IL18RAP: variants seen among roughly 807,000 people sequenced by gnomAD.
IL18RAP encodes the protein interleukin 18 receptor accessory protein, also known as interleukin-18 receptor accessory protein.
A neutral mutation model predicts 58.1 loss-of-function variants in IL18RAP; 37 were observed. The observed-to-expected ratio is 0.64, with a 90% CI of 0.49 to 0.84. The LOEUF (loss-of-function observed/expected upper bound fraction) is 0.84, where lower values mean the gene tolerates loss of function less well. Ranked by LOEUF, IL18RAP falls within the 40% of genes least tolerant of loss-of-function variation. The pLI is 0.00. For synonymous variants in IL18RAP, 268 were observed against 257.5 expected, an observed-to-expected ratio of 1.04 and a Z score of -0.39; for missense variants, 667 against 704.8, an observed-to-expected ratio of 0.95 and a Z score of 0.61.
intron 3 of IL18RAP, among the ~76,000 whole-genome samples, chr2:102,425,445 A>G (rs1681877957): frequency 6.6e-6 from 1 of 152,182 alleles, no homozygotes; most frequent in Non-Finnish European, 1.5e-5. Context: ...AGAAATAAAT[A>G]TACAGGGTGG....
intron 4 of IL18RAP, chr2:102,438,579 A>G (rs1229177373): frequency 3.3e-5 from 5 of 152,116 alleles, no homozygotes; most frequent in Admixed American, 2.6e-4. Flanking sequence ...TAACTCAGCC[A>G]TCACTCAGCC....
At chr2:102,444,336 C>T (rs1365237268) in intron 6 of IL18RAP, among the ~76,000 whole-genome samples, 2 of 152,126 alleles carry the variant, frequency 1.3e-5, no homozygotes, top group Non-Finnish European at 2.9e-5. Context: ...ACATCACCCA[C>T]CCTTGGGTTT....
chr2:102,438,787 C>G (rs186215215), intron 4 of IL18RAP: 2 of 152,334 alleles, frequency 1.3e-5, no homozygotes, highest in Non-Finnish European at 2.9e-5. Flanking sequence ...GCTAAGGCTA[C>G]AAGAATGAGT....
chr2:102,420,696 C>A (rs556432921), upstream of IL18RAP, among the ~76,000 whole-genome samples: 1 of 152,320 alleles, frequency 6.6e-6, no homozygotes, highest in South Asian at 2.1e-4. Context: ...TTAAAAATTA[C>A]AAATATCCCG....
intron 5 of IL18RAP, among the ~76,000 whole-genome samples, chr2:102,441,676 T>A (rs1683111454): frequency 6.6e-6 from 1 of 151,984 alleles, no homozygotes; most frequent in Admixed American, 6.6e-5. Flanking sequence ...TCACTTGAGG[T>A]CAGGAGTTTG....
At chr2:102,418,684 A>G (rs1024093168), upstream of IL18RAP, 11 of 152,310 alleles carry the variant, frequency 7.2e-5, no homozygotes, top group Non-Finnish European at 1.5e-4. Context: ...ATGACCATCC[A>G]TTTCACAATG....
At chr2:102,449,572 C>A (rs954573031) in intron 8 of IL18RAP, among the ~76,000 whole-genome samples, 9 of 152,064 alleles carry the variant, frequency 5.9e-5, no homozygotes, top group Non-Finnish European at 1.5e-5. Flanking sequence ...GGATGCAGTG[C>A]CCTCTGTTGG....
At chr2:102,422,876 C>T (rs527280304), upstream of IL18RAP, among the ~76,000 whole-genome samples, 1 of 152,052 alleles carries the variant, frequency 6.6e-6, no homozygotes, top group East Asian at 1.9e-4. Context: ...AAACATAACT[C>T]TTTTCAAATT....
intron 8 of IL18RAP, among the ~76,000 whole-genome samples, chr2:102,448,420 A>G (rs1371869454): frequency 6.6e-6 from 1 of 152,188 alleles, no homozygotes; most frequent in East Asian, 1.9e-4. Flanking sequence ...ATGTTCATTG[A>G]TGTTTGCTTC....
intron 9 of IL18RAP, among the ~76,000 whole-genome samples, chr2:102,451,462 G>C (rs1023871381): frequency 2.0e-5 from 3 of 152,162 alleles, no homozygotes; most frequent in Admixed American, 1.3e-4. Context: ...CTCCTCCTCA[G>C]ATACCCCCAC....
At chr2:102,436,102 C>A (rs1682715583) in intron 3 of IL18RAP, among the ~76,000 whole-genome samples, 1 of 152,080 alleles carries the variant, frequency 6.6e-6, no homozygotes, top group South Asian at 2.1e-4. Flanking sequence ...TTTGATATTT[C>A]CTCTAAGTTC....
intron 8 of IL18RAP, among the ~76,000 whole-genome samples, chr2:102,449,835 C>T (rs890736868): frequency 2.0e-5 from 3 of 152,184 alleles, no homozygotes; most frequent in Non-Finnish European, 4.4e-5. Flanking sequence ...CACCTACCTG[C>T]CAGCCATGCC....
At chr2:102,426,318 C>T (rs777044886) in intron 3 of IL18RAP, among the ~76,000 whole-genome samples, 5 of 152,082 alleles carry the variant, frequency 3.3e-5, no homozygotes, top group Admixed American at 1.3e-4. Context: ...CAGGGATACA[C>T]CCACCAGATA....
Position 102,447,125 on chromosome 2 carries a change from G to C in IL18RAP, c.1128G>C (p.Ala376=), listed in dbSNP as rs1010526890. ...GTIGTLVAVL[A]ASALLYRHWI... ...TCGGGACCCTGGTGGCCGTGCTGGC[G>C]GCGAGTGCCCTCCTCTACAGGCACT... The change falls in exon 8 of 10, where the codon GCG becomes GCC. Residue 376 remains alanine, a synonymous_variant. Coordinates refer to ENST00000687160, the MANE Select transcript of IL18RAP (RefSeq NM_001393487.1). 2 of 1,614,068 alleles carry C rather than the reference G, an allele frequency of 1.2e-6. No homozygotes were observed. The highest frequency in any genetic ancestry group is 3.3e-5 in the Admixed American group (2 of 60,016).
intron 3 of IL18RAP, chr2:102,434,471 T>C (rs1255625335): frequency 6.6e-6 from 1 of 152,194 alleles, no homozygotes; most frequent in Admixed American, 6.5e-5. Flanking sequence ...TGCCAACATA[T>C]TAGCCATCAC....
At chr2:102,443,365 A>G in intron 6 of IL18RAP, 42 bp downstream of exon 6, 1 of 1,599,836 alleles carries the variant, frequency 6.3e-7, no homozygotes, top group Non-Finnish European at 8.5e-7. Context: ...GCAATTCAGA[A>G]GAGATACTTC....
At chr2:102,422,822 T>G (rs1681659405), upstream of IL18RAP, among the ~76,000 whole-genome samples, 1 of 152,168 alleles carries the variant, frequency 6.6e-6, no homozygotes, top group East Asian at 1.9e-4. Context: ...CCGTGAAAAA[T>G]CTGACAGTTT....
At chr2:102,425,055 C>A (rs1446055367) in intron 3 of IL18RAP, among the ~76,000 whole-genome samples, 2 of 152,194 alleles carry the variant, frequency 1.3e-5, no homozygotes, top group Non-Finnish European at 2.9e-5. Context: ...CAAGTGCTAG[C>A]AGATGATGAA....
Position 102,443,300 on chromosome 2 carries a change from A to G in IL18RAP, c.897A>G (p.Glu299=). Residue 299 remains glutamate, a synonymous_variant, in exon 6 of 10, where the codon GAA becomes GAG. Coordinates refer to ENST00000687160, the MANE Select transcript of IL18RAP (RefSeq NM_001393487.1). ...TCAAAGATTCTGACCTAGAGTGGGA[A>G]GTCTCAGTACCTGAGGCGAAAAGGT... is the stretch of plus-strand genomic sequence containing the variant. The part of the protein sequence containing the change: ...WYIKDSDLEW[E]VSVPEAKSIK... The G allele has an allele frequency of 6.2e-7, 1 of 1,613,618 alleles. No homozygotes were observed. Among genetic ancestry groups the G allele is most frequent in the Non-Finnish European group, 8.5e-7 (1 of 1,179,874 alleles).
Sources: allele counts gnomAD v4.1 joint callset (sites outside exome capture counted in the v4.1 genomes callset), GRCh38; gene constraint gnomAD v4.1.1; transcripts MANE v1.5; gene names NCBI Gene and HGNC (gene_info 2026-07-23, HGNC 2026-07-21).